Variants in PLEKHD1 observed in about 807,000 individuals in gnomAD.
PLEKHD1 encodes the protein pleckstrin homology domain-containing family D member 1.
A neutral mutation model predicts 69.2 loss-of-function variants in PLEKHD1; 51 were observed. The observed-to-expected ratio is 0.74, with a 90% CI of 0.59 to 0.93. PLEKHD1 has a LOEUF of 0.93. Among genes scored for constraint, PLEKHD1 ranks in the 40% least tolerant of loss-of-function variants. The probability of loss-of-function intolerance (pLI) is 0.00; values close to 1 mark genes in which losing one functional copy is unlikely to be tolerated. For synonymous variants in PLEKHD1, 236 were observed against 244.7 expected, an observed-to-expected ratio of 0.96 and a Z score of 0.33; for missense variants, 584 against 641.0, an observed-to-expected ratio of 0.91 and a Z score of 0.96.
chr14:69,485,207 G>A, intron 1 of PLEKHD1, 93 bp downstream of exon 1: 2 of 1,376,052 alleles, frequency 1.5e-6, no homozygotes, highest in South Asian at 2.6e-5. Context: ...TCGTGCCTCT[G>A]CTTTCCTGTG....
At chr14:69,475,775 A>G in the PLEKHD1 span, among the ~76,000 whole-genome samples, 18 of 152,138 alleles carry the variant, frequency 1.2e-4, no homozygotes, top group African/African-American at 4.3e-4. Context: ...TCCCTCCCCC[A>G]TAGTCCTTTG....
intron 1 of PLEKHD1, among the ~76,000 whole-genome samples, chr14:69,489,857 T>G (rs1013515318): frequency 6.6e-6 from 1 of 151,178 alleles, no homozygotes; most frequent in Non-Finnish European, 1.5e-5. Context: ...TATATATATT[T>G]TTTGTTTGTT....
At chr14:69,517,192 G>A (rs191765331) in intron 6 of PLEKHD1, among the ~76,000 whole-genome samples, 106 of 152,116 alleles carry the variant, frequency 7.0e-4, no homozygotes, top group Admixed American at 1.9e-3. Context: ...GAGTAGAGTG[G>A]GGAAGGATGA....
At chr14:69,485,201 G>C in intron 1 of PLEKHD1, 87 bp downstream of exon 1, 1 of 1,417,952 alleles carries the variant, frequency 7.1e-7, no homozygotes, top group Non-Finnish European at 9.5e-7. Flanking sequence ...TCGCCGTCGT[G>C]CCTCTGCTTT....
chr14:69,499,223 G>A (rs546897547), intron 1 of PLEKHD1, among the ~76,000 whole-genome samples: 19 of 100,444 alleles, frequency 1.9e-4, no homozygotes, highest in African/African-American at 7.4e-4. Context: ...ACTCTCATAC[G>A]TGCACACACA....
At chr14:69,472,733 G>C in the PLEKHD1 span, among the ~76,000 whole-genome samples, 2 of 152,232 alleles carry the variant, frequency 1.3e-5, no homozygotes, top group African/African-American at 4.8e-5. Context: ...ATACAGCCTA[G>C]GTGTGTGGTA....
intron 1 of PLEKHD1, among the ~76,000 whole-genome samples, chr14:69,496,095 AT>A (rs1236980703): frequency 6.6e-6 from 1 of 152,172 alleles, no homozygotes; most frequent in South Asian, 2.1e-4. Context: ...TTGTACCCGC[AT>A]TTTATAGAGG....
chr14:69,520,878 C>T (rs1253461752), intron 6 of PLEKHD1, among the ~76,000 whole-genome samples: 1 of 152,230 alleles, frequency 6.6e-6, no homozygotes, highest in Non-Finnish European at 1.5e-5. Context: ...TAACACACTT[C>T]TGCTCTCATT....
the PLEKHD1 span, among the ~76,000 whole-genome samples, chr14:69,469,774 C>T: frequency 2.6e-5 from 4 of 151,806 alleles, no homozygotes; most frequent in East Asian, 1.9e-4. Flanking sequence ...CAGGCTGGAG[C>T]GCAGTGGCAT....
At chr14:69,494,613 A>G (rs1419812302) in intron 1 of PLEKHD1, among the ~76,000 whole-genome samples, 1 of 152,272 alleles carries the variant, frequency 6.6e-6, no homozygotes, top group Non-Finnish European at 1.5e-5. Context: ...AAGCCAATGC[A>G]TGAGAACAGC....
Position 69,526,047 on chromosome 14 carries a change from G to A in PLEKHD1, c.848G>A (p.Gly283Asp). The change falls in exon 9 of 13, where the codon GGC becomes GAC. Residue 283 changes from glycine (G) to aspartate (D), a missense_variant. By Grantham distance (94) the Gly-to-Asp change is moderately conservative. Coordinates refer to ENST00000322564, the MANE Select transcript of PLEKHD1 (RefSeq NM_001161498.2). ...NQSEQPPPSG[G>D]LHSNLRQIEE... ...AGTGAGCAGCCCCCTCCCAGTGGGG[G>A]CCTCCATAGCAACCTCCGGCAGATC... 6.4e-7 allele frequency: 1 copy of A among 1,551,644 alleles called. No individual in the cohort carries two copies. The highest frequency in any genetic ancestry group is 8.7e-7 in the Non-Finnish European group (1 of 1,146,990).
chr14:69,524,376 C>A (rs977919289), intron 8 of PLEKHD1, 54 bp downstream of exon 8: 2 of 1,421,680 alleles, frequency 1.4e-6, no homozygotes, highest in South Asian at 1.2e-5. Context: ...TTGGTTGGAC[C>A]ACATGACACT....
At chr14:69,518,627 GT>G (rs1175662176) in intron 6 of PLEKHD1, among the ~76,000 whole-genome samples, 3 of 152,310 alleles carry the variant, frequency 2.0e-5, no homozygotes, top group African/African-American at 7.2e-5. Flanking sequence ...AATACAATTA[GT>G]TTTACTGAGG....
At chr14:69,498,588 TTTCTCTTCTCTTCTCTTCTC>T (rs71102658) in intron 1 of PLEKHD1, among the ~76,000 whole-genome samples, 3,645 of 108,658 alleles carry the variant, frequency 0.034, 71 homozygotes, top group South Asian at 0.05. Flanking sequence ...TTCTTTTTGT[TTTCTCTTCTCTTCTCTTCTC>T]TTCTCTTCTC....
chr14:69,485,165 G>T (rs1882627986), intron 1 of PLEKHD1, 51 bp downstream of exon 1: 13 of 1,526,636 alleles, frequency 8.5e-6, no homozygotes, highest in South Asian at 1.2e-5. Flanking sequence ...GAGCCTGGGC[G>T]TCGTTACCCC....
chr14:69,487,501 T>C (rs1882680760), intron 1 of PLEKHD1, among the ~76,000 whole-genome samples: 1 of 152,188 alleles, frequency 6.6e-6, no homozygotes. Flanking sequence ...GTCTCAGCAC[T>C]GCATTAGTAA....
Position 69,528,491 on chromosome 14 carries a change from CCTCA to C in PLEKHD1, c.*76_*79del. 1 of 1,488,722 alleles carries C rather than the reference CCTCA, an allele frequency of 6.7e-7. No individual in the cohort carries two copies. Among genetic ancestry groups the C allele is most frequent in the Non-Finnish European group, 9.0e-7 (1 of 1,113,810 alleles). The allele number at this position is 1,488,722 out of a possible 1,614,324, so 92.2% of individuals were successfully genotyped here. A position where few individuals can be genotyped will look rare whatever the true frequency, so the allele number is the denominator to read the frequency against. On this transcript the variant is annotated 3_prime_UTR_variant, in exon 13 of 13. Coordinates refer to ENST00000322564, the MANE Select transcript of PLEKHD1 (RefSeq NM_001161498.2). The stretch of plus-strand genomic sequence containing the variant: ...GAGGGGAAGGGGTGGCAGAGGGAGG[CCTCA>C]CTCTACCAGCTCCTGGCCTCTCTGG...
intron 5 of PLEKHD1, 178 bp downstream of exon 5, chr14:69,502,003 A>T (rs1203189254): frequency 1.9e-6 from 1 of 538,370 alleles, no homozygotes; most frequent in East Asian, 3.2e-5. Context: ...TTTGGCCAAC[A>T]TGACTGAAGG....
At position 69,493,944 on chromosome 14, in the gene PLEKHD1, G is replaced by C. The variant is rs542404351; in HGVS notation, c.150-6171G>C. 2.0e-5 allele frequency among the ~76,000 whole-genome samples: 3 copies of C among 152,292 alleles called. No individual in the cohort carries two copies. The South Asian group carries it at 6.2e-4, about 32-fold the overall frequency. On this transcript the variant is annotated intron_variant, in intron 1 of 12. Coordinates refer to ENST00000322564, the MANE Select transcript of PLEKHD1 (RefSeq NM_001161498.2). ...GGGATGGGCTTCACACGGGGGGCAGGGGGAAGCAGCATATGCAGGGATAAG... is the reference window on the plus strand; with the variant it reads ...GGGATGGGCTTCACACGGGGGGCAGCGGGAAGCAGCATATGCAGGGATAAG...
Sources: allele counts gnomAD v4.1 joint callset (sites outside exome capture counted in the v4.1 genomes callset), GRCh38; gene constraint gnomAD v4.1.1; transcripts MANE v1.5; gene names NCBI Gene and HGNC (gene_info 2026-07-23, HGNC 2026-07-21).